Variants in OSMR observed in about 807,000 individuals in gnomAD.
The protein encoded by OSMR is oncostatin-M-specific receptor subunit beta.
A neutral mutation model predicts 99.9 loss-of-function variants in OSMR; 81 were observed. The observed-to-expected ratio is 0.81, with a 90% CI of 0.68 to 0.97. The LOEUF is 0.97. Among genes scored for constraint, OSMR ranks in the 50% least tolerant of loss-of-function variants. OSMR has a pLI of 0.00. For synonymous variants in OSMR, 406 were observed against 410.4 expected, an observed-to-expected ratio of 0.99 and a Z score of 0.13; for missense variants, 1,099 against 1,153.4, an observed-to-expected ratio of 0.95 and a Z score of 0.68.
At chr5:38,931,519 G>A (rs1746750201) in intron 15 of OSMR, among the ~76,000 whole-genome samples, 1 of 152,174 alleles carries the variant, frequency 6.6e-6, no homozygotes, top group Non-Finnish European at 1.5e-5. Flanking sequence ...CATTGGCCAA[G>A]CCAATGCACA....
chr5:38,927,665 A>G (rs1746533116), intron 15 of OSMR, among the ~76,000 whole-genome samples: 1 of 152,204 alleles, frequency 6.6e-6, no homozygotes, highest in South Asian at 2.1e-4. Context: ...AGGGGTGGCC[A>G]TGAAGACCTC....
intron 7 of OSMR, among the ~76,000 whole-genome samples, chr5:38,902,449 C>T (rs905239663): frequency 3.9e-5 from 6 of 152,184 alleles, no homozygotes; most frequent in East Asian, 1.9e-4. Context: ...TATGTTTGTC[C>T]GAAAACCTCC....
At chr5:38,928,890 A>G (rs1746593347) in intron 15 of OSMR, among the ~76,000 whole-genome samples, 1 of 152,156 alleles carries the variant, frequency 6.6e-6, no homozygotes, top group Non-Finnish European at 1.5e-5. Flanking sequence ...TTTGGAATTT[A>G]CTTGGTATAC....
intron 16 of OSMR, 27 bp downstream of exon 16, chr5:38,931,991 A>G (rs369352404): frequency 6.6e-7 from 1 of 1,524,034 alleles, no homozygotes; most frequent in African/African-American, 1.4e-5. Flanking sequence ...GGTTTTATCC[A>G]AGAAGAGAGT....
At chr5:38,912,408 C>T (rs1365449038) in intron 9 of OSMR, among the ~76,000 whole-genome samples, 3 of 152,110 alleles carry the variant, frequency 2.0e-5, no homozygotes, top group African/African-American at 7.2e-5. Flanking sequence ...GAAAACACTG[C>T]TGAAAGAAAT....
chr5:38,895,615 T>G (rs1194487771), intron 7 of OSMR, among the ~76,000 whole-genome samples: 1 of 152,122 alleles, frequency 6.6e-6, no homozygotes, highest in Non-Finnish European at 1.5e-5. Context: ...TTGTTGATTG[T>G]TTCCTTTGTT....
chr5:38,945,012 C>G, exon 3 of OSMR: 1 of 1,612,320 alleles, frequency 6.2e-7, no homozygotes, highest in Non-Finnish European at 8.5e-7. Flanking sequence ...GGAACCACTT[C>G]TAAAGGATTA....
chr5:38,909,731 C>CCAA (rs1745455184), intron 9 of OSMR, among the ~76,000 whole-genome samples: 1 of 152,140 alleles, frequency 6.6e-6, no homozygotes, highest in Admixed American at 6.5e-5. Flanking sequence ...TAAGGAAGTG[C>CCAA]CAAATATGAA....
In OSMR at chr5:38,921,524, G is replaced by C. The variant is rs1339054163; in HGVS notation, c.1586-91G>C. ...GGAGGTCTGTTACCTACTAGATACA[G>C]TGCATGTATGTATTTACTTTCTACC... is the stretch of plus-strand genomic sequence containing the variant. On this transcript the variant is annotated intron_variant, in intron 11 of 17. Transcript: ENST00000274276. 5.0e-6 allele frequency: 8 copies of C among 1,592,418 alleles called. No homozygotes were observed. The Admixed American group carries it at 5.2e-5, about 10-fold the overall frequency.
Position 38,934,741 on chromosome 5 carries a change from GTGA to G in OSMR, c.*1299_*1301del, listed in dbSNP as rs1335894058. On this transcript the variant is annotated 3_prime_UTR_variant, in exon 18 of 18. Coordinates refer to ENST00000274276, the MANE Select transcript of OSMR (RefSeq NM_003999.3). ...GCTGGTCTCAAACTCCTGACCGCAGGTGATCCACCTGCCTCAGCTTCCCCAAGG... is the reference window on the plus strand; with the variant it reads ...GCTGGTCTCAAACTCCTGACCGCAGGTCCACCTGCCTCAGCTTCCCCAAGG... The G allele has an allele frequency of 2.0e-5, 3 of 152,254 alleles. No individual in the cohort carries two copies. Among genetic ancestry groups the G allele is most frequent in the Non-Finnish European group, 4.4e-5 (3 of 68,084 alleles). 9.4% of individuals were successfully genotyped at this position (152,254 alleles called of 1,614,324 possible).
chr5:38,921,642 G>A lies in OSMR; in HGVS notation c.1613G>A (p.Gly538Asp). Residue 538 changes from glycine (G) to aspartate (D), a missense_variant, in exon 12 of 18, where the codon GGC becomes GAC. Physicochemically the swap from Gly to Asp is moderately conservative, Grantham distance 94 (BLOSUM62 -1). Coordinates refer to ENST00000274276, the MANE Select transcript of OSMR (RefSeq NM_003999.3). ...GAGGTTGAGGAAGAAAGAATTGCAG[G>A]CACAGAGGGTGGATTCTCTCTGTCT... ...NKEVEEERIA[G>D]TEGGFSLSWK... The A allele has an allele frequency of 6.2e-7, 1 of 1,614,090 alleles. No homozygotes were observed. Among genetic ancestry groups the A allele is most frequent in the Non-Finnish European group, 8.5e-7 (1 of 1,179,980 alleles).
chr5:38,931,839 G>T, intron 15 of OSMR, 44 bp from the exon 16 acceptor site: 1 of 1,589,560 alleles, frequency 6.3e-7, no homozygotes. Flanking sequence ...TTGAGGAAGG[G>T]AAAAGTACTT....
chr5:38,910,834 C>T (rs1745530207), intron 9 of OSMR, among the ~76,000 whole-genome samples: 1 of 152,096 alleles, frequency 6.6e-6, no homozygotes, highest in African/African-American at 2.4e-5. Context: ...TATGGTGAAA[C>T]CCCATCTCTA....
At chr5:38,879,326 C>T (rs901841833) in intron 3 of OSMR, among the ~76,000 whole-genome samples, 3 of 152,196 alleles carry the variant, frequency 2.0e-5, no homozygotes, top group African/African-American at 7.2e-5. Flanking sequence ...GGAGTGCATG[C>T]TCAGGTTTTG....
intron 16 of OSMR, 60 bp from the exon 17 acceptor site, chr5:38,932,403 T>C (rs1746793585): frequency 8.1e-7 from 1 of 1,227,714 alleles, no homozygotes; most frequent in East Asian, 2.3e-5. Context: ...TCCAGAGTTC[T>C]TGCTCTTAAC....
chr5:38,872,298 C>T lies in OSMR; in HGVS notation c.73+3181C>T, dbSNP rs562759108. On this transcript the variant is annotated intron_variant, in intron 2 of 17. Transcript: ENST00000274276. ...ACTGATAGCGTATGTTAATATAAGG[C>T]GTTCTTCTTTTGTCTGGAGCTTCCA... 6.6e-5 allele frequency among the ~76,000 whole-genome samples: 10 copies of T among 152,278 alleles called. No individual in the cohort carries two copies. In the South Asian group the frequency reaches 1.9e-3, roughly 28 times the overall value.
chr5:38,849,252 G>A (rs1740159192), intron 1 of OSMR, among the ~76,000 whole-genome samples: 4 of 152,106 alleles, frequency 2.6e-5, no homozygotes. Context: ...TGTGTCAAAG[G>A]GTTTGCCCCT....
At chr5:38,900,126 C>T (rs192845156) in intron 7 of OSMR, among the ~76,000 whole-genome samples, 4 of 152,262 alleles carry the variant, frequency 2.6e-5, no homozygotes, top group African/African-American at 9.6e-5. Context: ...GGCTGGGGCT[C>T]ATCTGAATGC....
chr5:38,846,128 T>G lies in OSMR; in HGVS notation c.-273T>G, dbSNP rs1270434984. ...CTCGTGGAGCCCTTCGCCCGCGGCG[T>G]GAGTACCCCCGACCCGCCCGTCCCC... On this transcript the variant is annotated 5_prime_UTR_variant, in exon 1 of 18. Transcript: ENST00000274276. 1 of 151,936 alleles carries G rather than the reference T, an allele frequency of 6.6e-6. No individual in the cohort carries two copies. The highest frequency in any genetic ancestry group is 3.2e-3 in the Middle Eastern group (1 of 314). The allele number at this position is 151,936 out of a possible 1,614,324, so 9.4% of individuals were successfully genotyped here.
Sources: gnomAD v4.1 joint callset for allele counts (sites outside exome capture counted in the v4.1 genomes callset) on GRCh38, gnomAD v4.1.1 for gene constraint, MANE v1.5 for transcripts, NCBI Gene and HGNC (gene_info 2026-07-23, HGNC 2026-07-21) for gene names.